The following DYNC1LI2 variants were observed in gnomAD, a reference collection of about 807,000 sequenced individuals.
DYNC1LI2 encodes cytoplasmic dynein 1 light intermediate chain 2.
In DYNC1LI2, 19 loss-of-function variants were observed where a neutral mutation model predicts 57.8. That is an observed-to-expected ratio of 0.33 (90% CI 0.23 to 0.48). The LOEUF is 0.48. Ranked by LOEUF, DYNC1LI2 falls within the 20% of genes least tolerant of loss-of-function variation. The pLI is 0.99. For synonymous variants in DYNC1LI2, 256 were observed against 233.4 expected, an observed-to-expected ratio of 1.10 and a Z score of -0.88; for missense variants, 470 against 604.2, an observed-to-expected ratio of 0.78 and a Z score of 2.33.
rs1403056453 is a variant in DYNC1LI2, at chr16:66,723,267, G to A, written c.*455C>T. The A allele has an allele frequency of 9.0e-6, 4 of 446,912 alleles. No individual in the cohort carries two copies. Among genetic ancestry groups the A allele is most frequent in the East Asian group, 7.0e-5 (1 of 14,250 alleles). The allele number at this position is 446,912 out of a possible 1,614,324, so 27.7% of individuals were successfully genotyped here. On this transcript the variant is annotated 3_prime_UTR_variant, in exon 13 of 13. Coordinates refer to ENST00000258198, the MANE Select transcript of DYNC1LI2 (RefSeq NM_006141.3). ...ACATTCAGCTTCCCCACCATCACTT[G>A]TCTCATTACTCCTTCTGGTCTTTCT...
At chr16:66,734,722 C>T (rs1273511071) in intron 5 of DYNC1LI2, among the ~76,000 whole-genome samples, 1 of 151,932 alleles carries the variant, frequency 6.6e-6, no homozygotes. Flanking sequence ...TGTGGCCAGG[C>T]GTGGTGGCTT....
intron 11 of DYNC1LI2, among the ~76,000 whole-genome samples, chr16:66,726,211 G>A (rs147227777): frequency 6.6e-6 from 1 of 152,334 alleles, no homozygotes; most frequent in Non-Finnish European, 1.5e-5. Flanking sequence ...ATGAGACAGT[G>A]TTTTTCAAAG....
intron 3 of DYNC1LI2, among the ~76,000 whole-genome samples, chr16:66,748,982 C>A (rs563455028): frequency 2.6e-5 from 4 of 152,182 alleles, no homozygotes; most frequent in African/African-American, 7.2e-5. Flanking sequence ...CTAGCCAGAG[C>A]AACAGCTAAG....
At chr16:66,726,060 G>T (rs1028719521) in intron 11 of DYNC1LI2, 116 bp from the exon 12 acceptor site, 4 of 1,055,932 alleles carry the variant, frequency 3.8e-6, no homozygotes, top group Non-Finnish European at 4.1e-6. Context: ...CTAGGATATT[G>T]ATAACATTCA....
At chr16:66,747,556 T>C (rs1306623903) in intron 3 of DYNC1LI2, among the ~76,000 whole-genome samples, 1 of 151,734 alleles carries the variant, frequency 6.6e-6, no homozygotes, top group Non-Finnish European at 1.5e-5. Flanking sequence ...TAAAGGCAAA[T>C]ATAAAGAAAG....
At position 66,751,047 on chromosome 16, in the gene DYNC1LI2, T is replaced by C. The variant is rs375800414; in HGVS notation, c.181+226A>G. 6.6e-6 allele frequency among the ~76,000 whole-genome samples: 1 copy of C among 152,032 alleles called. No homozygotes were observed. Among genetic ancestry groups the C allele is most frequent in the Non-Finnish European group, 1.5e-5 (1 of 68,022 alleles). ...ATAGAGGGCCAAGTGACTGAAACAA[T>C]ATGCCGACAACCCCAAAGCACCACT... On this transcript the variant is annotated intron_variant, in intron 2 of 12. Transcript: ENST00000258198. This position sits in a 1 kb window ranked among gnomAD's most constrained non-coding sequence, Gnocchi z 5.2.
chr16:66,746,673 G>A (rs2017941511), intron 3 of DYNC1LI2, among the ~76,000 whole-genome samples: 1 of 152,098 alleles, frequency 6.6e-6, no homozygotes, highest in Non-Finnish European at 1.5e-5. Context: ...GAGATTCACA[G>A]ATTACCTACA....
chr16:66,740,629 A>T (rs1327316978), intron 4 of DYNC1LI2, among the ~76,000 whole-genome samples: 2 of 152,176 alleles, frequency 1.3e-5, no homozygotes, highest in Non-Finnish European at 2.9e-5. Flanking sequence ...AACACATGGC[A>T]ACCCAAAGTA....
Position 66,723,697 on chromosome 16 carries a change from C to A in DYNC1LI2, c.*25G>T. Reference sequence around the variant, plus strand: ...CAATATACATAGTTATTTGGTCATTCGACATATGCACTTTTTAAGGAGGTT... The same window carrying A: ...CAATATACATAGTTATTTGGTCATTAGACATATGCACTTTTTAAGGAGGTT... On this transcript the variant is annotated 3_prime_UTR_variant, in exon 13 of 13. Coordinates refer to ENST00000258198, the MANE Select transcript of DYNC1LI2 (RefSeq NM_006141.3). 6.3e-7 allele frequency: 1 copy of A among 1,585,170 alleles called. No individual in the cohort carries two copies. The highest frequency in any genetic ancestry group is 8.6e-7 in the Non-Finnish European group (1 of 1,169,364).
At position 66,751,334 on chromosome 16, in the gene DYNC1LI2, C is replaced by G. The variant is rs763507513; in HGVS notation, c.120G>C (p.Leu40=). Residue 40 remains leucine (L), a synonymous_variant, in exon 2 of 13, where the codon CTG becomes CTC. Transcript: ENST00000258198. This position sits in a 1 kb window ranked among gnomAD's most constrained non-coding sequence, Gnocchi z 5.2. ...EEGQSLWSSI[L]SEVSTRARSK... is the part of the protein sequence containing the mutation. The stretch of plus-strand genomic sequence containing the variant: ...ACCTGGCGCGGGTGGACACTTCGCT[C>G]AGAATGGAGGACCTGTGGCGACAAT... 3.1e-6 allele frequency: 5 copies of G among 1,612,018 alleles called. No homozygotes were observed. In the East Asian group the frequency reaches 1.1e-4, roughly 36 times the overall value.
At chr16:66,731,495 G>C (rs1168884074) in intron 7 of DYNC1LI2, 2 of 152,170 alleles carry the variant, frequency 1.3e-5, no homozygotes, top group Non-Finnish European at 2.9e-5. Context: ...AGTCCGCCTG[G>C]GATCTACCAT....
chr16:66,733,825 T>A (rs928955808), intron 6 of DYNC1LI2: 9 of 188,892 alleles, frequency 4.8e-5, no homozygotes, highest in Admixed American at 1.7e-4. Flanking sequence ...TGCACCACTG[T>A]ACTCCAGCCT....
At chr16:66,737,753 TC>T (rs1442766356) in intron 4 of DYNC1LI2, among the ~76,000 whole-genome samples, 6 of 152,174 alleles carry the variant, frequency 3.9e-5, no homozygotes, top group African/African-American at 1.4e-4. Context: ...CATACAATAT[TC>T]ACTAATCCAG....
Position 66,729,055 on chromosome 16 carries a change from G to C in DYNC1LI2, c.1086C>G (p.Phe362Leu), listed in dbSNP as rs756728792. 1 of 1,614,030 alleles carries C rather than the reference G, an allele frequency of 6.2e-7. No homozygotes were observed. The highest frequency in any genetic ancestry group is 2.2e-5 in the East Asian group (1 of 44,904). ...GTCTTCTTACCTGTTGCTTCATTAGGAACACCTGCTCATCTTCTGCTGCCA... is the reference window on the plus strand; with the variant it reads ...GTCTTCTTACCTGTTGCTTCATTAGCAACACCTGCTCATCTTCTGCTGCCA... The part of the protein sequence containing the change: ...KELAAEDEQV[F>L]LMKQQSLLAK... The change falls in exon 9 of 13, where the codon TTC (phenylalanine) becomes TTG (leucine). Residue 362 changes from phenylalanine to leucine, a missense_variant. By Grantham distance (22) the Phe-to-Leu change is conservative. Coordinates refer to ENST00000258198, the MANE Select transcript of DYNC1LI2 (RefSeq NM_006141.3).
At chr16:66,750,002 T>C (rs993668756) in intron 2 of DYNC1LI2, among the ~76,000 whole-genome samples, 3 of 152,184 alleles carry the variant, frequency 2.0e-5, no homozygotes, top group African/African-American at 4.8e-5. Context: ...TTTAATAATA[T>C]GGAATTACAG....
chr16:66,739,717 T>C (rs773270254), intron 4 of DYNC1LI2, among the ~76,000 whole-genome samples: 13 of 152,226 alleles, frequency 8.5e-5, no homozygotes, highest in Non-Finnish European at 1.5e-4. Context: ...ATTGAGCCAC[T>C]GCGCCTGGCC....
rs1483636174 is a variant in DYNC1LI2, at chr16:66,751,472, C to T, written c.107+13G>A. The stretch of plus-strand genomic sequence containing the variant: ...CGCCCCCCACGGCCCGGCCCGACCG[C>T]CCGCGGCCTCACCATAGGCTCTGGC... On this transcript the variant is annotated intron_variant, in intron 1 of 12. Coordinates refer to ENST00000258198, the MANE Select transcript of DYNC1LI2 (RefSeq NM_006141.3). This position sits in a 1 kb window ranked among gnomAD's most constrained non-coding sequence, Gnocchi z 5.2. The T allele has an allele frequency of 1.1e-5, 17 of 1,585,690 alleles. No individual in the cohort carries two copies. The highest frequency in any genetic ancestry group is 4.2e-5 in the African/African-American group (3 of 71,016).
At chr16:66,735,112 T>C (rs1197895588) in intron 5 of DYNC1LI2, among the ~76,000 whole-genome samples, 6 of 147,830 alleles carry the variant, frequency 4.1e-5, no homozygotes. Flanking sequence ...TTTTTTTTTC[T>C]TTTTTTTTTG....
chr16:66,721,838 T>A lies in DYNC1LI2; in HGVS notation c.*1884A>T, dbSNP rs1197985889. The A allele has an allele frequency of 6.6e-6, 1 of 152,510 alleles. No individual in the cohort carries two copies. Among genetic ancestry groups the A allele is most frequent in the Non-Finnish European group, 1.5e-5 (1 of 68,050 alleles). 9.4% of individuals were successfully genotyped at this position (152,510 alleles called of 1,614,324 possible). On this transcript the variant is annotated 3_prime_UTR_variant, in exon 13 of 13. Transcript: ENST00000258198. The stretch of plus-strand genomic sequence containing the variant: ...CATATTCCTCTTCGGCATGTGCCTT[T>A]CCAGGAATTCTTGTTTCTGAGGTCA...
Sources: gnomAD v4.1 joint callset for allele counts (sites outside exome capture counted in the v4.1 genomes callset) on GRCh38, gnomAD v4.1.1 for gene constraint, Gnocchi (gnomAD v3.1) non-coding constraint, MANE v1.5 for transcripts, NCBI Gene and HGNC (gene_info 2026-07-23, HGNC 2026-07-21) for gene names.